FRAS1: variants seen among roughly 807,000 people sequenced by gnomAD.
FRAS1 encodes Fraser extracellular matrix complex subunit 1.
Under a neutral mutation model 435.2 loss-of-function variants are expected in FRAS1, and 290 were observed. The observed-to-expected ratio is 0.67, with a 90% CI of 0.61 to 0.73. The LOEUF is 0.73. FRAS1 is among the 30% of genes least tolerant of loss of function. FRAS1 has a pLI of 0.00. For missense variants in FRAS1, 4,860 were observed against 5,001.5 expected (o/e 0.97, Z 0.85); for synonymous variants, 1,800 against 1,851.0 (o/e 0.97, Z 0.71).
intron 2 of FRAS1, among the ~76,000 whole-genome samples, chr4:78,132,570 G>A (rs1230676061): frequency 1.3e-5 from 2 of 152,192 alleles, no homozygotes; most frequent in Non-Finnish European, 2.9e-5. Context: ...GAAAAGGAGT[G>A]TCAGGAGATG....
intron 27 of FRAS1, 23 bp downstream of exon 27, chr4:78,380,019 TC>T: frequency 6.2e-7 from 1 of 1,603,508 alleles, no homozygotes; most frequent in African/African-American, 1.3e-5. Context: ...TCTGTTGTTT[TC>T]TTCCTGCCTC....
chr4:78,482,598 A>T, intron 58 of FRAS1, 63 bp downstream of exon 58: 1 of 1,495,206 alleles, frequency 6.7e-7, no homozygotes, highest in Non-Finnish European at 9.2e-7. Flanking sequence ...TTTAACGTCC[A>T]CATATGTGAC....
At chr4:78,343,411 TTCCCTCCCTCCC>T (rs760601199) in intron 20 of FRAS1, among the ~76,000 whole-genome samples, 42 of 145,720 alleles carry the variant, frequency 2.9e-4, no homozygotes, top group African/African-American at 9.5e-4. Context: ...ACCAACTGAC[TTCCCTCCCTCCC>T]TCCCTCCCTC....
intron 47 of FRAS1, among the ~76,000 whole-genome samples, chr4:78,455,759 G>A (rs1370614163): frequency 1.3e-5 from 2 of 152,156 alleles, no homozygotes; most frequent in African/African-American, 2.4e-5. Flanking sequence ...GTCCTTGTAT[G>A]CGCTGTCTTT....
At chr4:78,095,696 G>A (rs114389084) in intron 2 of FRAS1, among the ~76,000 whole-genome samples, 7,391 of 152,264 alleles carry the variant, frequency 0.049, 253 homozygotes, top group Admixed American at 0.082. Flanking sequence ...GGAAACTCCC[G>A]TTTATAAAAC....
intron 59 of FRAS1, among the ~76,000 whole-genome samples, chr4:78,493,613 C>T (rs2431173): frequency 0.23 from 34,566 of 151,750 alleles, 4,553 homozygotes; most frequent in African/African-American, 0.36. Context: ...AATGAGAACA[C>T]ATGGACCCAG....
At chr4:78,075,129 G>T (rs892484199) in intron 2 of FRAS1, among the ~76,000 whole-genome samples, 3 of 152,156 alleles carry the variant, frequency 2.0e-5, no homozygotes, top group African/African-American at 7.2e-5. Context: ...CCATCCTGGG[G>T]ATAAGAAAGG....
chr4:78,454,872 C>T (rs1719139225), intron 47 of FRAS1, among the ~76,000 whole-genome samples: 2 of 152,192 alleles, frequency 1.3e-5, no homozygotes, highest in African/African-American at 2.4e-5. Flanking sequence ...GTTACTGAAA[C>T]CAAGCCAGCT....
chr4:78,307,111 G>T (rs1173498805), intron 14 of FRAS1, among the ~76,000 whole-genome samples: 2 of 152,160 alleles, frequency 1.3e-5, no homozygotes, highest in East Asian at 3.9e-4. Flanking sequence ...CAGGTCTGTT[G>T]GAGTACCCGG....
At position 78,058,101 on chromosome 4, in the gene FRAS1, C is replaced by CGTGT. The variant is rs751915838; in HGVS notation, c.76+17_76+18insTGTG. 50 of 1,553,808 alleles carry CGTGT rather than the reference C, an allele frequency of 3.2e-5. No individual in the cohort carries two copies. Among genetic ancestry groups the CGTGT allele is most frequent in the Non-Finnish European group, 4.0e-5 (46 of 1,141,366 alleles). ...CATTCCGAAGGTGAGAGAGCGGTGC[C>CGTGT]GCGTGTGTGTGTGTGTGTGCGTGTG... On this transcript the variant is annotated intron_variant, in intron 1 of 73. Coordinates refer to ENST00000512123, the MANE Select transcript of FRAS1 (RefSeq NM_025074.7).
intron 19 of FRAS1, among the ~76,000 whole-genome samples, chr4:78,335,898 T>G (rs1730151369): frequency 7.8e-6 from 1 of 128,900 alleles, no homozygotes; most frequent in East Asian, 2.3e-4. Context: ...GCACCGTGTG[T>G]GGTGGTTTTT....
At chr4:78,092,815 A>G (rs867788019) in intron 2 of FRAS1, among the ~76,000 whole-genome samples, 6 of 152,212 alleles carry the variant, frequency 3.9e-5, no homozygotes, top group Non-Finnish European at 5.9e-5. Flanking sequence ...GCATCGATAG[A>G]GACTGGGTTA....
chr4:78,358,148 T>C (rs1461892160), intron 20 of FRAS1, among the ~76,000 whole-genome samples: 2 of 145,638 alleles, frequency 1.4e-5, no homozygotes, highest in Non-Finnish European at 3.0e-5. Context: ...TCCCCCACCA[T>C]GCTGAAAATT....
chr4:78,271,941 A>C (rs1028778129), intron 9 of FRAS1, among the ~76,000 whole-genome samples: 3 of 152,202 alleles, frequency 2.0e-5, no homozygotes, highest in African/African-American at 4.8e-5. Flanking sequence ...ACAGTGTAAA[A>C]GTGTTCCTAT....
chr4:78,100,969 CA>C (rs2109918459), intron 2 of FRAS1, among the ~76,000 whole-genome samples: 2 of 152,178 alleles, frequency 1.3e-5, no homozygotes, highest in East Asian at 3.9e-4. Flanking sequence ...TAAAAGTGTA[CA>C]GGGGAAGGGA....
rs756851328 is a variant in FRAS1, at chr4:78,400,795, T to C, written c.4037T>C (p.Leu1346Pro). Residue 1346 changes from leucine to proline, a missense_variant, in exon 30 of 74, where the codon CTG becomes CCG. Leu to Pro is a moderately conservative substitution (Grantham distance 98). Coordinates refer to ENST00000512123, the MANE Select transcript of FRAS1 (RefSeq NM_025074.7). ...SMVWVPEGGM[L>P]QITNRILQAE... is the part of the protein sequence containing the mutation. ...GTGTGGGTTCCAGAAGGGGGGATGC[T>C]GCAGATCACCAACAGAATCTTACAG... The C allele has an allele frequency of 4.2e-5, 67 of 1,613,618 alleles. No homozygotes were observed. Among genetic ancestry groups the C allele is most frequent in the Non-Finnish European group, 5.4e-5 (64 of 1,179,768 alleles).
At chr4:78,202,488 C>T (rs1335596696) in intron 2 of FRAS1, among the ~76,000 whole-genome samples, 4 of 152,064 alleles carry the variant, frequency 2.6e-5, no homozygotes, top group Admixed American at 1.3e-4. Flanking sequence ...GTTAGGAGTT[C>T]GAGACCAGCC....
At position 78,168,562 on chromosome 4, in the gene FRAS1, TTACTGTC is replaced by T. The variant is rs575566115; in HGVS notation, c.109-68943_109-68937del. 5.9e-5 allele frequency among the ~76,000 whole-genome samples: 9 copies of T among 152,152 alleles called. No individual in the cohort carries two copies. In the South Asian group the frequency reaches 1.9e-3, roughly 32 times the overall value. On this transcript the variant is annotated intron_variant, in intron 2 of 73. Coordinates refer to ENST00000512123, the MANE Select transcript of FRAS1 (RefSeq NM_025074.7). ...CAGAATGTGGGAAATGCCATTTTTATTACTGTCTACTACCTTTTCTCCTTTTATCAGA... is the reference window on the plus strand; with the variant it reads ...CAGAATGTGGGAAATGCCATTTTTATTACTACCTTTTCTCCTTTTATCAGA...
At position 78,517,465 on chromosome 4, in the gene FRAS1, A is replaced by G. The variant is rs555576831; in HGVS notation, c.10389+1452A>G. Among the ~76,000 whole-genome samples the G allele has an allele frequency of 5.9e-5, 9 of 152,378 alleles. No homozygotes were observed. The South Asian group carries it at 1.2e-3, about 21-fold the overall frequency. On this transcript the variant is annotated intron_variant, in intron 66 of 73. Coordinates refer to ENST00000512123, the MANE Select transcript of FRAS1 (RefSeq NM_025074.7). ...ACTCAAAGACAAGGATTTGTTATAT[A>G]TAATCCCACTTTTAAACCAACACAG...
Sources: allele counts gnomAD v4.1 joint callset (sites outside exome capture counted in the v4.1 genomes callset), GRCh38; gene constraint gnomAD v4.1.1; transcripts MANE v1.5; gene names NCBI Gene and HGNC (gene_info 2026-07-23, HGNC 2026-07-21).